MACROD1: variants seen among roughly 807,000 people sequenced by gnomAD.
MACROD1 encodes the protein mono-ADP ribosylhydrolase 1, also known as ADP-ribose glycohydrolase MACROD1.
In MACROD1, 31 loss-of-function variants were observed where a neutral mutation model predicts 41.4. The observed-to-expected ratio is 0.75, with a 90% CI of 0.56 to 1.01. The LOEUF is 1.01. Among genes scored for constraint, MACROD1 ranks in the 50% least tolerant of loss-of-function variants. The pLI is 0.00. For missense variants in MACROD1, 473 were observed against 460.0 expected, an observed-to-expected ratio of 1.03 and a Z score of -0.26; for synonymous variants, 252 against 203.4, an observed-to-expected ratio of 1.24 and a Z score of -2.03.
At chr11:64,152,237 C>T in intron 2 of MACROD1, 55 bp downstream of exon 2, 1 of 1,511,806 alleles carries the variant, frequency 6.6e-7, no homozygotes, top group Non-Finnish European at 9.2e-7. Flanking sequence ...GCACAATTCT[C>T]CCAAGCCACG....
intron 3 of MACROD1, among the ~76,000 whole-genome samples, chr11:64,028,334 T>C (rs1943248418): frequency 1.3e-5 from 2 of 152,178 alleles, no homozygotes; most frequent in Non-Finnish European, 2.9e-5. Flanking sequence ...GACCCTAGCC[T>C]GGTCCCTGCC....
intron 3 of MACROD1, among the ~76,000 whole-genome samples, chr11:64,039,658 C>T (rs1380329105): frequency 1.3e-5 from 2 of 152,220 alleles, no homozygotes; most frequent in Non-Finnish European, 2.9e-5. Flanking sequence ...GCTGGAGACA[C>T]CAAGAGGGTT....
At chr11:64,015,578 G>A (rs530566698) in intron 3 of MACROD1, among the ~76,000 whole-genome samples, 251 of 152,242 alleles carry the variant, frequency 1.6e-3, no homozygotes, top group Non-Finnish European at 3.0e-3. Context: ...GATGGCCCCC[G>A]CCACGGCCCT....
chr11:64,103,444 G>C (rs1944705942), intron 3 of MACROD1: 1 of 152,234 alleles, frequency 6.6e-6, no homozygotes, highest in African/African-American at 2.4e-5. Context: ...CCTCAGCGGG[G>C]TAATGGACCC....
At chr11:64,043,063 C>T (rs1943518502) in intron 3 of MACROD1, among the ~76,000 whole-genome samples, 1 of 152,202 alleles carries the variant, frequency 6.6e-6, no homozygotes, top group Admixed American at 6.5e-5. Flanking sequence ...ACCTTTGTTA[C>T]TTATCATCTG....
At chr11:64,035,145 G>A (rs487811) in intron 3 of MACROD1, among the ~76,000 whole-genome samples, 10,491 of 152,200 alleles carry the variant, frequency 0.069, 447 homozygotes, top group African/African-American at 0.11. Context: ...ACTGAGGCTG[G>A]GAGAGGTTCA....
At position 64,082,038 on chromosome 11, in the gene MACROD1, A is replaced by T. The variant is rs1226157143; in HGVS notation, c.518-66757T>A. ...GGGCGCCGGATCCCGTGACAGGTTG[A>T]AAAGTGTGTGAGCTGCAGCGTCCTG... is the stretch of plus-strand genomic sequence containing the variant. On this transcript the variant is annotated intron_variant, in intron 3 of 10. Transcript: ENST00000255681. The surrounding 1 kb of genome is among the most constrained non-coding windows in gnomAD (Gnocchi z 4.5). 6.6e-6 allele frequency: 1 copy of T among 152,268 alleles called. No homozygotes were observed. The highest frequency in any genetic ancestry group is 1.9e-4 in the East Asian group (1 of 5,180). The allele number at this position is 152,268 out of a possible 1,614,324, so 9.4% of individuals were successfully genotyped here. A position where few individuals can be genotyped will look rare whatever the true frequency, so the allele number is the denominator to read the frequency against.
intron 3 of MACROD1, among the ~76,000 whole-genome samples, chr11:64,119,937 A>G (rs1945068353): frequency 6.6e-6 from 1 of 151,786 alleles, no homozygotes; most frequent in Non-Finnish European, 1.5e-5. Context: ...AGCCCGGGTC[A>G]CCATCTGTCA....
intron 3 of MACROD1, among the ~76,000 whole-genome samples, chr11:64,046,698 C>T (rs1943590256): frequency 1.3e-5 from 2 of 152,090 alleles, no homozygotes; most frequent in Non-Finnish European, 2.9e-5. Flanking sequence ...AGGGTTTCAC[C>T]ATGTTGGTCA....
chr11:64,144,636 C>A (rs544341644), intron 3 of MACROD1, among the ~76,000 whole-genome samples: 1 of 152,048 alleles, frequency 6.6e-6, no homozygotes, highest in African/African-American at 2.4e-5. Flanking sequence ...GCCCCACCTG[C>A]GCTTGGCTTC....
chr11:64,076,097 T>C (rs988510447), intron 3 of MACROD1, among the ~76,000 whole-genome samples: 19 of 152,140 alleles, frequency 1.2e-4, no homozygotes, highest in African/African-American at 4.6e-4. Context: ...GCCAGAGGCC[T>C]CTCCCTCAAG....
intron 3 of MACROD1, among the ~76,000 whole-genome samples, chr11:64,140,067 G>A (rs1468732264): frequency 6.6e-6 from 1 of 152,112 alleles, no homozygotes; most frequent in Non-Finnish European, 1.5e-5. Flanking sequence ...GACCTCCAAA[G>A]CTGGCCAACC....
intron 3 of MACROD1, among the ~76,000 whole-genome samples, chr11:64,091,380 G>A (rs1296971417): frequency 1.3e-5 from 2 of 151,964 alleles, no homozygotes; most frequent in African/African-American, 4.8e-5. Context: ...CTGGGGACAT[G>A]AGGATGCCAG....
intron 3 of MACROD1, chr11:64,138,516 G>C (rs986370864): frequency 1.0e-6 from 1 of 985,448 alleles, no homozygotes; most frequent in East Asian, 1.1e-4. Context: ...CAAAAGGGAT[G>C]TGGCGTTTGA....
chr11:64,005,648 C>A (rs1430847972), intron 4 of MACROD1, among the ~76,000 whole-genome samples: 1 of 152,238 alleles, frequency 6.6e-6, no homozygotes, highest in African/African-American at 2.4e-5. Flanking sequence ...CTGAAATGAG[C>A]TTTTGGGGGC....
At chr11:64,123,006 A>G (rs138713622) in intron 3 of MACROD1, among the ~76,000 whole-genome samples, 4 of 152,344 alleles carry the variant, frequency 2.6e-5, no homozygotes, top group Admixed American at 1.3e-4. Flanking sequence ...CGTGCCAGAG[A>G]GGAGGCTGGG....
At chr11:64,056,975 C>T (rs1278435271) in intron 3 of MACROD1, among the ~76,000 whole-genome samples, 12 of 152,214 alleles carry the variant, frequency 7.9e-5, no homozygotes, top group African/African-American at 2.9e-4. Flanking sequence ...AGCCCGGGTA[C>T]AGCCTTGGCC....
Position 64,131,751 on chromosome 11 carries a change from A to G in MACROD1, c.517+19488T>C, listed in dbSNP as rs150951048. Among the ~76,000 whole-genome samples, 3 of 152,316 alleles carry G rather than the reference A, an allele frequency of 2.0e-5. 1 individual carries two copies. The highest frequency in any genetic ancestry group is 7.2e-5 in the African/African-American group (3 of 41,552). ...CTACTGCATGCCAGGCCCTGTTCAG[A>G]TGGGGAACATGCAGCAAATGGGACC... On this transcript the variant is annotated intron_variant, in intron 3 of 10. Coordinates refer to ENST00000255681, the MANE Select transcript of MACROD1 (RefSeq NM_014067.4).
intron 3 of MACROD1, among the ~76,000 whole-genome samples, chr11:64,104,980 A>G (rs1944733387): frequency 6.6e-6 from 1 of 152,030 alleles, no homozygotes; most frequent in African/African-American, 2.4e-5. Flanking sequence ...CATTACCAAG[A>G]TGGAAAATGA....
Sources: gnomAD v4.1 joint callset for allele counts (sites outside exome capture counted in the v4.1 genomes callset) on GRCh38, gnomAD v4.1.1 for gene constraint, Gnocchi (gnomAD v3.1) non-coding constraint, MANE v1.5 for transcripts, NCBI Gene and HGNC (gene_info 2026-07-23, HGNC 2026-07-21) for gene names.